Variants in MAPK10 observed in about 807,000 individuals in gnomAD.
MAPK10 encodes mitogen-activated protein kinase 10, also known as JNK3 alpha protein kinase.
MAPK10 carries 25 observed loss-of-function variants against 59.3 expected under a neutral mutation model. The observed-to-expected ratio is 0.42, with a 90% CI of 0.31 to 0.59. The LOEUF is 0.59. MAPK10 is among the 20% of genes least tolerant of loss of function. The pLI is 0.15. For synonymous variants in MAPK10, 190 were observed against 200.5 expected (o/e 0.95, Z 0.44); for missense variants, 351 against 568.9 (o/e 0.62, Z 3.90).
intron 1 of MAPK10, among the ~76,000 whole-genome samples, chr4:86,556,599 C>G (rs1760286747): frequency 6.6e-6 from 1 of 151,894 alleles, no homozygotes; most frequent in South Asian, 2.1e-4. Flanking sequence ...TTTCTGTCAA[C>G]TAAAAGAAAT....
chr4:86,511,545 C>T (rs988261337), intron 1 of MAPK10, among the ~76,000 whole-genome samples: 4 of 150,816 alleles, frequency 2.7e-5, no homozygotes, highest in East Asian at 1.9e-4. Context: ...CCAGCCTGGG[C>T]GATAGAACCA....
chr4:86,554,210 G>T (rs148596294), intron 1 of MAPK10, among the ~76,000 whole-genome samples: 2 of 152,130 alleles, frequency 1.3e-5, no homozygotes, highest in Admixed American at 6.5e-5. Flanking sequence ...CTTAAATGCT[G>T]ATTCTTCCAG....
intron 2 of MAPK10, among the ~76,000 whole-genome samples, chr4:86,262,655 A>G (rs761506036): frequency 7.2e-5 from 11 of 152,210 alleles, no homozygotes; most frequent in Non-Finnish European, 1.6e-4. Flanking sequence ...CAATTAATTA[A>G]TTAATGAGTG....
intron 11 of MAPK10, among the ~76,000 whole-genome samples, chr4:86,038,368 A>G (rs942328176): frequency 2.0e-5 from 3 of 152,214 alleles, no homozygotes; most frequent in Non-Finnish European, 2.9e-5. Context: ...TTACTGAAAT[A>G]TGCTTTGTTT....
intron 1 of MAPK10, among the ~76,000 whole-genome samples, chr4:86,478,424 C>T (rs1753303149): frequency 6.6e-6 from 1 of 152,176 alleles, no homozygotes; most frequent in African/African-American, 2.4e-5. Flanking sequence ...TTTGCCTAGC[C>T]CTCAAGTCTG....
chr4:86,534,264 A>G (rs1283189781), intron 1 of MAPK10, among the ~76,000 whole-genome samples: 1 of 152,170 alleles, frequency 6.6e-6, no homozygotes, highest in Admixed American at 6.5e-5. Flanking sequence ...CAATACAGAA[A>G]AGACTTAGTT....
chr4:86,068,764 C>G (rs151211607), intron 9 of MAPK10, among the ~76,000 whole-genome samples: 2 of 152,188 alleles, frequency 1.3e-5, no homozygotes, highest in African/African-American at 4.8e-5. Flanking sequence ...TAAATTGGAG[C>G]TAGCTCTTTT....
chr4:86,263,893 A>G (rs1296240715), intron 2 of MAPK10, among the ~76,000 whole-genome samples: 1 of 152,214 alleles, frequency 6.6e-6, no homozygotes, highest in African/African-American at 2.4e-5. Context: ...CATTCCAACT[A>G]AGGAATCATT....
At chr4:86,408,018 A>G (rs1378671899) in intron 1 of MAPK10, among the ~76,000 whole-genome samples, 1 of 151,996 alleles carries the variant, frequency 6.6e-6, no homozygotes, top group East Asian at 1.9e-4. Context: ...CTCGTCATTT[A>G]CATTAGGTAT....
chr4:86,157,105 G>C (rs2068021565), intron 4 of MAPK10, among the ~76,000 whole-genome samples: 1 of 151,926 alleles, frequency 6.6e-6, no homozygotes, highest in Admixed American at 6.6e-5. Context: ...TTCTTTTGAA[G>C]ATATTTTAGT....
chr4:86,362,244 C>T (rs190394789), upstream of MAPK10, among the ~76,000 whole-genome samples: 222 of 152,046 alleles, frequency 1.5e-3, 1 homozygote, highest in Admixed American at 1.8e-3. Context: ...AAAGGAACGC[C>T]ATCTCTTACC....
intron 1 of MAPK10, among the ~76,000 whole-genome samples, chr4:86,571,702 ACT>A (rs1761472502): frequency 1.3e-5 from 2 of 152,000 alleles, no homozygotes; most frequent in Admixed American, 1.3e-4. Flanking sequence ...CATACTAAAA[ACT>A]GGTGGGCTGC....
At chr4:86,586,258 C>A (rs560100216) in intron 1 of MAPK10, among the ~76,000 whole-genome samples, 1 of 152,152 alleles carries the variant, frequency 6.6e-6, no homozygotes, top group Admixed American at 6.5e-5. Context: ...CAGGACCAAC[C>A]CTAGTAAAAA....
At chr4:86,570,275 G>A (rs1302239393) in intron 1 of MAPK10, among the ~76,000 whole-genome samples, 1 of 151,978 alleles carries the variant, frequency 6.6e-6, no homozygotes, top group Non-Finnish European at 1.5e-5. Context: ...ACCTAAGAAT[G>A]GTTTTTACAG....
intron 1 of MAPK10, among the ~76,000 whole-genome samples, chr4:86,528,135 C>T (rs997292272): frequency 6.6e-6 from 1 of 152,040 alleles, no homozygotes; most frequent in African/African-American, 2.4e-5. Context: ...TGTGCTTGTG[C>T]CCTCTGAATC....
At chr4:86,476,240 C>T (rs539184940) in intron 1 of MAPK10, among the ~76,000 whole-genome samples, 12 of 152,094 alleles carry the variant, frequency 7.9e-5, no homozygotes, top group Non-Finnish European at 1.3e-4. Flanking sequence ...CTCACCAGGC[C>T]GAGCCAGGTC....
upstream of MAPK10, among the ~76,000 whole-genome samples, chr4:86,363,421 G>C (rs1471198499): frequency 6.6e-6 from 1 of 152,138 alleles, no homozygotes; most frequent in Non-Finnish European, 1.5e-5. Flanking sequence ...CAATTAAAAA[G>C]AATGGCAACC....
chr4:86,101,200 G>A lies in MAPK10; in HGVS notation c.582C>T (p.Asn194=). The change falls in exon 8 of 14, where the codon AAC becomes AAT. Residue 194 remains asparagine (N), a synonymous_variant. Coordinates refer to ENST00000641462, the MANE Select transcript of MAPK10 (RefSeq NM_138982.4). ...ATGTGCAATCAGACTTGACTACAAT[G>A]TTACTTGGTTTTAAATCCTAACAGT... ...GIIHRDLKPS[N]IVVKSDCTLK... 6.2e-7 allele frequency: 1 copy of A among 1,613,706 alleles called. No homozygotes were observed. Among genetic ancestry groups the A allele is most frequent in the Non-Finnish European group, 8.5e-7 (1 of 1,179,772 alleles).
intron 1 of MAPK10, among the ~76,000 whole-genome samples, chr4:86,407,643 G>T (rs1488877337): frequency 2.0e-5 from 3 of 151,048 alleles, no homozygotes; most frequent in African/African-American, 7.3e-5. Context: ...TGAGCACATA[G>T]TAGGCACTCA....
Sources: gnomAD v4.1 joint callset for allele counts (sites outside exome capture counted in the v4.1 genomes callset) on GRCh38, gnomAD v4.1.1 for gene constraint, MANE v1.5 for transcripts, NCBI Gene and HGNC (gene_info 2026-07-23, HGNC 2026-07-21) for gene names.